Variants in CYFIP1 observed in about 807,000 individuals in gnomAD.
CYFIP1 encodes cytoplasmic FMR1-interacting protein 1.
A neutral mutation model predicts 163.5 loss-of-function variants in CYFIP1; 58 were observed. The ratio of observed to expected loss-of-function variants is 0.35; its 90% CI spans 0.29 to 0.44. The LOEUF (loss-of-function observed/expected upper bound fraction) is 0.44, where lower values mean the gene tolerates loss of function less well. Among genes scored for constraint, CYFIP1 ranks in the 20% least tolerant of loss-of-function variants. CYFIP1 has a pLI of 1.00. For synonymous variants in CYFIP1, 663 were observed against 660.7 expected, an observed-to-expected ratio of 1.00 and a Z score of -0.05; for missense variants, 1,338 against 1,653.8, an observed-to-expected ratio of 0.81 and a Z score of 3.31.
At position 22,914,821 on chromosome 15, in the gene CYFIP1, C is replaced by A. The variant is rs759495792; in HGVS notation, c.1890G>T (p.Leu630=). The A allele has an allele frequency of 5.6e-6, 9 of 1,613,562 alleles. No individual in the cohort carries two copies. ...GGAACTGGATCCTCCTGCCCATGGT[C>A]AGCTCCAGGAAGAACTCTCGGAACC... ...QLWFREFFLE[L]TMGRRIQFPI... is the part of the protein sequence containing the mutation. The change falls in exon 17 of 31, where the codon CTG becomes CTT. Residue 630 remains leucine, a synonymous_variant. Transcript: ENST00000617928.
chr15:22,910,572 T>A lies in CYFIP1; in HGVS notation c.2216A>T (p.His739Leu). Residue 739 changes from histidine to leucine, a missense_variant, in exon 20 of 31, where the codon CAC (histidine) becomes CTC (leucine). His to Leu is a moderately conservative substitution (Grantham distance 99). This residue lies in a region of CYFIP1 where 824 missense variants were observed against 995.7 expected (regional missense o/e 0.83). Transcript: ENST00000617928. ...SECKNQGATI[H>L]LPPSNRYETL... is the part of the protein sequence containing the mutation. ...CTCGTAGCGGTTAGACGGCGGGAGG[T>A]GGATCGTGGCTCCCTGATTCTTGCA... 6.2e-7 allele frequency: 1 copy of A among 1,614,070 alleles called. No homozygotes were observed.
intron 1 of CYFIP1, chr15:22,951,253 C>A (rs1226744601): frequency 1.4e-5 from 14 of 996,492 alleles, no homozygotes; most frequent in Non-Finnish European, 1.6e-5. Flanking sequence ...ACGCCCCCGA[C>A]CGCAGCCGGT....
chr15:22,890,518 C>T (rs903790049), intron 23 of CYFIP1, among the ~76,000 whole-genome samples: 2 of 152,264 alleles, frequency 1.3e-5, no homozygotes, highest in East Asian at 1.9e-4. Context: ...GCATTCTTGG[C>T]GCCTGGGTAC....
intron 23 of CYFIP1, among the ~76,000 whole-genome samples, chr15:22,889,216 ATCTT>A (rs377664950): frequency 8.9e-4 from 136 of 152,314 alleles, no homozygotes; most frequent in African/African-American, 3.2e-3. Context: ...ACATCATCAA[ATCTT>A]TCTTTCTCTC....
intron 1 of CYFIP1, among the ~76,000 whole-genome samples, chr15:22,948,353 C>G (rs954736979): frequency 2.0e-5 from 3 of 152,318 alleles, no homozygotes; most frequent in Admixed American, 6.5e-5. Context: ...CAGCGGCACA[C>G]AGGGGGCAGG....
chr15:22,871,476 T>C (rs966176259), intron 30 of CYFIP1, among the ~76,000 whole-genome samples: 1 of 152,174 alleles, frequency 6.6e-6, no homozygotes, highest in African/African-American at 2.4e-5. Flanking sequence ...ATACAGTATC[T>C]GGACACAGCT....
intron 13 of CYFIP1, among the ~76,000 whole-genome samples, chr15:22,921,166 G>A (rs1269527615): frequency 2.0e-5 from 3 of 151,868 alleles, no homozygotes; most frequent in East Asian, 2.0e-4. Flanking sequence ...TCAGGAGTTC[G>A]AGACCAGCCT....
intron 26 of CYFIP1, among the ~76,000 whole-genome samples, chr15:22,877,890 C>T (rs796352424): frequency 9.2e-5 from 14 of 152,274 alleles, no homozygotes; most frequent in East Asian, 3.8e-4. Flanking sequence ...CGCCTGACCT[C>T]GGACTCCCCT....
chr15:22,957,134 G>A (rs1042074556), intron 1 of CYFIP1, among the ~76,000 whole-genome samples: 38 of 152,248 alleles, frequency 2.5e-4, no homozygotes, highest in African/African-American at 6.5e-4. Flanking sequence ...ACTGCAGCCC[G>A]CACTGAGACA....
At chr15:22,904,429 C>T (rs72698060) in intron 21 of CYFIP1, 3 of 170,772 alleles carry the variant, frequency 1.8e-5, no homozygotes, top group South Asian at 1.4e-4. Flanking sequence ...CAGCCGGGGC[C>T]GGAGCACAGC....
chr15:22,894,278 CTTTTT>C (rs57603773), intron 22 of CYFIP1, among the ~76,000 whole-genome samples: 8 of 65,470 alleles, frequency 1.2e-4, no homozygotes, highest in Middle Eastern at 0.011. Context: ...GCAGACTTTT[CTTTTT>C]TTTTTTTTTT....
chr15:22,884,174 C>T (rs1233949248), intron 23 of CYFIP1, among the ~76,000 whole-genome samples: 2 of 152,148 alleles, frequency 1.3e-5, no homozygotes, highest in African/African-American at 4.8e-5. Context: ...CCTCCCAAAT[C>T]TCAATCATGC....
intron 22 of CYFIP1, among the ~76,000 whole-genome samples, chr15:22,895,086 C>T (rs965681550): frequency 6.6e-6 from 1 of 151,074 alleles, no homozygotes; most frequent in African/African-American, 2.4e-5. Context: ...GTGATCTTGG[C>T]TCACTGTAAG....
At chr15:22,965,905 G>A (rs1460371377) in intron 1 of CYFIP1, among the ~76,000 whole-genome samples, 1 of 152,148 alleles carries the variant, frequency 6.6e-6, no homozygotes, top group Admixed American at 6.5e-5. Flanking sequence ...AAAACAAACT[G>A]TTATGGGCTG....
In CYFIP1 at chr15:22,955,851, G is replaced by C. The variant is rs929669806; in HGVS notation, c.-6-8560C>G. Among the ~76,000 whole-genome samples the C allele has an allele frequency of 2.6e-5, 4 of 151,246 alleles. 1 individual carries two copies. The highest frequency in any genetic ancestry group is 9.7e-5 in the African/African-American group (4 of 41,130). On this transcript the variant is annotated intron_variant, in intron 1 of 30. Transcript: ENST00000617928. ...AGCAGACATCCCAGGAGATGGGAGG[G>C]TGATTTTTGTAAAACCTCACAATCA...
rs146291905 is a variant in CYFIP1, at chr15:22,965,606, A to G, written c.-7+14681T>C. 3.6e-3 allele frequency among the ~76,000 whole-genome samples: 553 copies of G among 152,334 alleles called. 4 individuals carry two copies. Among genetic ancestry groups the G allele is most frequent in the African/African-American group, 0.013 (531 of 41,568 alleles). On this transcript the variant is annotated intron_variant, in intron 1 of 30. Transcript: ENST00000617928. ...CCCTTTATGATGCCCACACAATGAC[A>G]AAAGTGCCTAACAATGCATTTCTCA...
At chr15:22,951,240 G>T in intron 1 of CYFIP1, 1 of 899,520 alleles carries the variant, frequency 1.1e-6, no homozygotes, top group South Asian at 2.6e-5. Flanking sequence ...GACACGTAAG[G>T]GAACGCCCCC....
intron 22 of CYFIP1, among the ~76,000 whole-genome samples, chr15:22,899,920 C>G (rs1241922213): frequency 6.6e-6 from 1 of 152,112 alleles, no homozygotes; most frequent in Non-Finnish European, 1.5e-5. Context: ...TGGTGGCAGG[C>G]ACCTGTAATC....
chr15:22,962,208 T>C (rs1567035973), intron 1 of CYFIP1, among the ~76,000 whole-genome samples: 1 of 152,130 alleles, frequency 6.6e-6, no homozygotes, highest in Non-Finnish European at 1.5e-5. Context: ...TACATAATAA[T>C]TCTTGGACTC....
Sources: allele counts gnomAD v4.1 joint callset (sites outside exome capture counted in the v4.1 genomes callset), GRCh38; gene constraint gnomAD v4.1.1; regional missense constraint gnomAD v4.1.1; transcripts MANE v1.5; gene names NCBI Gene and HGNC (gene_info 2026-07-23, HGNC 2026-07-21).